LMBR1: variants seen among roughly 807,000 people sequenced by gnomAD.
LMBR1 encodes limb region 1 protein homolog.
In LMBR1, 52 loss-of-function variants were observed where a neutral mutation model predicts 73.9. That is an observed-to-expected ratio of 0.70 (90% CI 0.56 to 0.89). The LOEUF is 0.89. Among genes scored for constraint, LMBR1 ranks in the 40% least tolerant of loss-of-function variants. LMBR1 has a pLI of 0.00. For missense variants in LMBR1, 539 were observed against 579.8 expected (o/e 0.93, Z 0.72); for synonymous variants, 215 against 209.4 (o/e 1.03, Z -0.23).
At position 156,836,897 on chromosome 7, in the gene LMBR1, C is replaced by T. The variant is rs764355956; in HGVS notation, c.67-12G>A. 21 of 1,527,736 alleles carry T rather than the reference C, an allele frequency of 1.4e-5. No individual in the cohort carries two copies. The highest frequency in any genetic ancestry group is 2.4e-5 in the South Asian group (2 of 82,420). The allele number at this position is 1,527,736 out of a possible 1,614,324, so 94.6% of individuals were successfully genotyped here. ...AGAAGGAAACATATCTGAAACAAAA[C>T]GAAGTTAACAGATCATTTACTTTTT... On this transcript the variant is annotated splice_polypyrimidine_tract_variant and intron_variant, in intron 1 of 16. Transcript: ENST00000353442.
At chr7:156,765,891 T>A (rs1282830596) in intron 5 of LMBR1, among the ~76,000 whole-genome samples, 2 of 152,146 alleles carry the variant, frequency 1.3e-5, no homozygotes, top group African/African-American at 2.4e-5. Flanking sequence ...TGTTACAATA[T>A]ATGAACTACA....
intron 1 of LMBR1, 53 bp downstream of exon 1, chr7:156,892,875 G>A (rs1009033291): frequency 2.7e-5 from 36 of 1,342,786 alleles, no homozygotes; most frequent in South Asian, 2.5e-4. Context: ...GGCGGGGACG[G>A]AGGGCCCGGG....
Position 156,858,057 on chromosome 7 carries a change from TA to T in LMBR1, c.67-21173del, listed in dbSNP as rs1488022220. Among the ~76,000 whole-genome samples the T allele has an allele frequency of 5.6e-4, 48 of 85,908 alleles. 1 individual carries two copies. In the East Asian group the frequency reaches 0.016, roughly 28 times the overall value. 56.4% of individuals were successfully genotyped at this position (85,908 alleles called of 152,430 possible). A position where few individuals can be genotyped will look rare whatever the true frequency, so the allele number is the denominator to read the frequency against. On this transcript the variant is annotated intron_variant, in intron 1 of 16. Coordinates refer to ENST00000353442, the MANE Select transcript of LMBR1 (RefSeq NM_022458.4). ...GAAACTAGAAAAAAAAAGAGCAAAGTAATTCCAAAGTAAGCAAAAAAAAAAA... is the reference window on the plus strand; with the variant it reads ...GAAACTAGAAAAAAAAAGAGCAAAGTATTCCAAAGTAAGCAAAAAAAAAAA...
intron 1 of LMBR1, among the ~76,000 whole-genome samples, chr7:156,855,664 T>TAAAA (rs1796847559): frequency 1.0e-4 from 2 of 19,730 alleles, no homozygotes; most frequent in African/African-American, 2.1e-4. Flanking sequence ...ACAACGTAAA[T>TAAAA]ACAAAAAAAA....
At chr7:156,842,599 C>T (rs573124413) in intron 1 of LMBR1, among the ~76,000 whole-genome samples, 27 of 152,270 alleles carry the variant, frequency 1.8e-4, no homozygotes, top group African/African-American at 5.5e-4. Context: ...TCAAGGGGAA[C>T]TGGGTTTTTG....
At position 156,682,230 on chromosome 7, in the gene LMBR1, CTTAAAAATT is replaced by C. The variant is rs1462420446; in HGVS notation, c.*1839_*1847del. 1 of 152,194 alleles carries C rather than the reference CTTAAAAATT, an allele frequency of 6.6e-6. No homozygotes were observed. Among genetic ancestry groups the C allele is most frequent in the African/African-American group, 2.4e-5 (1 of 41,444 alleles). 9.4% of individuals were successfully genotyped at this position (152,194 alleles called of 1,614,324 possible). A position where few individuals can be genotyped will look rare whatever the true frequency, so the allele number is the denominator to read the frequency against. ...AAACACTGAAAAGTTTAGTATTTTA[CTTAAAAATT>C]TTCAGACATTTTCCAAGTATCTAGG... On this transcript the variant is annotated 3_prime_UTR_variant, in exon 17 of 17. Coordinates refer to ENST00000353442, the MANE Select transcript of LMBR1 (RefSeq NM_022458.4).
At chr7:156,725,395 G>T in intron 14 of LMBR1, 40 bp downstream of exon 14, 1 of 1,220,804 alleles carries the variant, frequency 8.2e-7, no homozygotes, top group Non-Finnish European at 1.2e-6. Flanking sequence ...TGTCAGGGAA[G>T]GCAAACGAGA....
In LMBR1 at chr7:156,893,005, C is replaced by A. The variant is rs763700438; in HGVS notation, c.-12G>T. The A allele has an allele frequency of 2.6e-6, 4 of 1,513,736 alleles. No individual in the cohort carries two copies. The East Asian group carries it at 1.1e-4, about 43-fold the overall frequency. 93.8% of individuals were successfully genotyped at this position (1,513,736 alleles called of 1,614,324 possible). On this transcript the variant is annotated 5_prime_UTR_variant, in exon 1 of 17. Transcript: ENST00000353442. ...TCCTGCCCTTCCATCCTCCTTCATG[C>A]CCGCCGCCGCGCCGCCCGCGTCCGC...
At position 156,723,031 on chromosome 7, in the gene LMBR1, G is replaced by A. The variant is rs576669168; in HGVS notation, c.1225+1081C>T. 2.6e-3 allele frequency among the ~76,000 whole-genome samples: 399 copies of A among 152,204 alleles called. 2 individuals carry two copies. Among genetic ancestry groups the A allele is most frequent in the African/African-American group, 9.4e-3 (390 of 41,566 alleles). ...AAGAGCATACTTTTGGCATTTTCAA[G>A]ATTCACATAAGCAGATGTCAAAACA... On this transcript the variant is annotated intron_variant, in intron 15 of 16. Transcript: ENST00000353442.
intron 15 of LMBR1, among the ~76,000 whole-genome samples, chr7:156,691,607 A>C (rs1196107032): frequency 6.6e-6 from 1 of 152,206 alleles, no homozygotes; most frequent in African/African-American, 2.4e-5. Context: ...GAGTTTATAA[A>C]GCTTGACACA....
intron 1 of LMBR1, among the ~76,000 whole-genome samples, chr7:156,845,019 A>G (rs937010990): frequency 1.3e-5 from 2 of 152,216 alleles, no homozygotes; most frequent in Non-Finnish European, 2.9e-5. Context: ...ATCGGCTTCA[A>G]CTAATTTCAA....
rs1802119193 is a variant in LMBR1 at position 156,669,977 on chromosome 7, C to T, written n.867-690G>A. Among the ~76,000 whole-genome samples, 1 of 152,184 alleles carries T rather than the reference C, an allele frequency of 6.6e-6. No individual in the cohort carries two copies. Among genetic ancestry groups the T allele is most frequent in the Non-Finnish European group, 1.5e-5 (1 of 68,026 alleles). ...AACATGGGAAAGTGCCATCCAAGTA[C>T]TAAAAGTATAAAGCTGTATGTACTT... On this transcript the variant is annotated intron_variant and non_coding_transcript_variant, in intron 4 of 4. Transcript: ENST00000430825. The surrounding 1 kb of genome is among the most constrained non-coding windows in gnomAD (Gnocchi z 4.2).
chr7:156,780,898 T>G (rs1585745006), intron 5 of LMBR1, among the ~76,000 whole-genome samples: 1 of 152,004 alleles, frequency 6.6e-6, no homozygotes, highest in South Asian at 2.1e-4. Flanking sequence ...CAACACCACA[T>G]GGAAATGAGG....
chr7:156,807,688 A>G (rs1482962469), intron 4 of LMBR1, among the ~76,000 whole-genome samples: 2 of 151,954 alleles, frequency 1.3e-5, no homozygotes, highest in Admixed American at 1.3e-4. Context: ...CTTCTTTGGG[A>G]TCTATTCGTT....
At chr7:156,734,358 G>T in intron 9 of LMBR1, 101 bp from the exon 10 acceptor site, 2 of 640,356 alleles carry the variant, frequency 3.1e-6, no homozygotes, top group African/African-American at 1.8e-5. Flanking sequence ...GGCAAATCCT[G>T]CTAATCAAAA....
In LMBR1 at chr7:156,866,987, CTT is replaced by C. The variant is rs1380473106; in HGVS notation, c.66+25939_66+25940del. ...CCTTCGTCATGACCTCCCGGTTCCA[CTT>C]TGTTTGGGTCGGATGTAAGTGACTC... On this transcript the variant is annotated intron_variant, in intron 1 of 16. Transcript: ENST00000353442. Among the ~76,000 whole-genome samples, 18 of 152,286 alleles carry C rather than the reference CTT, an allele frequency of 1.2e-4. No individual in the cohort carries two copies. The South Asian group carries it at 3.7e-3, about 32-fold the overall frequency.
chr7:156,865,753 T>G (rs990050508), intron 1 of LMBR1, among the ~76,000 whole-genome samples: 1 of 152,122 alleles, frequency 6.6e-6, no homozygotes, highest in Non-Finnish European at 1.5e-5. Flanking sequence ...AGAACAGAAC[T>G]AAGAGTCTAA....
At chr7:156,873,292 G>A (rs1178465716) in intron 1 of LMBR1, among the ~76,000 whole-genome samples, 3 of 151,842 alleles carry the variant, frequency 2.0e-5, no homozygotes, top group African/African-American at 7.3e-5. Context: ...CGCGTCTGGA[G>A]TTGTTCATTC....
chr7:156,724,764 C>CTGTG (rs71189961), intron 14 of LMBR1, among the ~76,000 whole-genome samples: 8,169 of 146,432 alleles, frequency 0.056, 253 homozygotes, highest in Admixed American at 0.085. Flanking sequence ...AAAGAAATAG[C>CTGTG]TGTGTGTGTG....
Sources: gnomAD v4.1 joint callset for allele counts (sites outside exome capture counted in the v4.1 genomes callset) on GRCh38, gnomAD v4.1.1 for gene constraint, Gnocchi (gnomAD v3.1) non-coding constraint, MANE v1.5 for transcripts, NCBI Gene and HGNC (gene_info 2026-07-23, HGNC 2026-07-21) for gene names.